Variants in FERMT2 observed in about 807,000 individuals in gnomAD.
FERMT2 encodes the protein FERM domain containing kindlin 2.
A neutral mutation model predicts 82.7 loss-of-function variants in FERMT2; 15 were observed. The ratio of observed to expected loss-of-function variants is 0.18; its 90% CI spans 0.12 to 0.28. The LOEUF is 0.28. FERMT2 is among the 10% of genes least tolerant of loss of function. FERMT2 has a pLI of 1.00. For synonymous variants in FERMT2, 274 were observed against 271.5 expected (o/e 1.01, Z -0.09); for missense variants, 645 against 809.4 (o/e 0.80, Z 2.46).
chr14:52,915,987 G>A (rs977679214), intron 3 of FERMT2, among the ~76,000 whole-genome samples: 15 of 152,152 alleles, frequency 9.9e-5, no homozygotes, highest in South Asian at 6.2e-4. Context: ...CCAAGATATC[G>A]TTTGGTGAGT....
intron 3 of FERMT2, among the ~76,000 whole-genome samples, chr14:52,894,915 T>C (rs1887171840): frequency 6.7e-6 from 1 of 149,724 alleles, no homozygotes; most frequent in Non-Finnish European, 1.5e-5. Flanking sequence ...CCAACCTACC[T>C]ACTCTTTAAA....
At chr14:52,925,937 C>T (rs1566754494) in intron 2 of FERMT2, among the ~76,000 whole-genome samples, 3 of 152,150 alleles carry the variant, frequency 2.0e-5, no homozygotes, top group South Asian at 2.1e-4. Context: ...AGCCACCGCG[C>T]CCGGCACAGA....
chr14:52,889,313 A>G (rs1165992944), intron 4 of FERMT2, among the ~76,000 whole-genome samples: 1 of 152,238 alleles, frequency 6.6e-6, no homozygotes, highest in African/African-American at 2.4e-5. Flanking sequence ...AAGAGGCCAC[A>G]AATGTCCCTT....
intron 3 of FERMT2, among the ~76,000 whole-genome samples, chr14:52,914,814 G>T (rs1888529298): frequency 6.6e-6 from 1 of 152,130 alleles, no homozygotes; most frequent in Admixed American, 6.5e-5. Context: ...CAGCTGCTTG[G>T]GAGGCTGAGG....
At chr14:52,898,554 T>C (rs886810372) in intron 3 of FERMT2, among the ~76,000 whole-genome samples, 2 of 152,200 alleles carry the variant, frequency 1.3e-5, no homozygotes, top group African/African-American at 4.8e-5. Flanking sequence ...GAGTAAGATT[T>C]AACATGTGAA....
chr14:52,941,213 G>C (rs1026858658), intron 2 of FERMT2, among the ~76,000 whole-genome samples: 4 of 152,190 alleles, frequency 2.6e-5, no homozygotes, highest in African/African-American at 9.6e-5. Flanking sequence ...GATTCAAAGA[G>C]CTAGAACTGA....
chr14:52,865,660 G>C (rs1215437908), intron 10 of FERMT2, among the ~76,000 whole-genome samples: 2 of 152,168 alleles, frequency 1.3e-5, no homozygotes, highest in Non-Finnish European at 2.9e-5. Flanking sequence ...AATGTCATAT[G>C]ATCATGCAGT....
At chr14:52,885,418 C>T (rs1220933697) in intron 4 of FERMT2, among the ~76,000 whole-genome samples, 1 of 150,868 alleles carries the variant, frequency 6.6e-6, no homozygotes, top group Non-Finnish European at 1.5e-5. Flanking sequence ...AGCAGCACTG[C>T]TGGGTCAGAG....
chr14:52,949,824 C>G (rs1305434940), intron 2 of FERMT2, among the ~76,000 whole-genome samples: 1 of 152,160 alleles, frequency 6.6e-6, no homozygotes, highest in Non-Finnish European at 1.5e-5. Flanking sequence ...CGGCTTACAT[C>G]GAGCATGGAC....
intron 3 of FERMT2, among the ~76,000 whole-genome samples, chr14:52,902,887 A>AAAAAAC (rs1417117125): frequency 1.4e-5 from 2 of 139,452 alleles, no homozygotes; most frequent in Admixed American, 7.4e-5. Flanking sequence ...AAAAAAAAAA[A>AAAAAAC]AAAACCCCAA....
chr14:52,911,045 T>A (rs1399067055), intron 3 of FERMT2, among the ~76,000 whole-genome samples: 2 of 152,184 alleles, frequency 1.3e-5, no homozygotes, highest in Non-Finnish European at 2.9e-5. Context: ...AGTGTTCAGT[T>A]TCAGTGGTGA....
chr14:52,871,116 G>T (rs1594933934), intron 10 of FERMT2, among the ~76,000 whole-genome samples: 8 of 152,318 alleles, frequency 5.3e-5, no homozygotes, highest in Admixed American at 5.2e-4. Flanking sequence ...ATGGCTGCAG[G>T]TGTTAGCTCC....
chr14:52,947,376 G>A (rs1259918846), intron 2 of FERMT2, among the ~76,000 whole-genome samples: 1 of 152,148 alleles, frequency 6.6e-6, no homozygotes, highest in East Asian at 1.9e-4. Context: ...CTACTCGGGA[G>A]GCTGAGGCAG....
intron 7 of FERMT2, 44 bp downstream of exon 7, chr14:52,878,538 A>T (rs1886103745): frequency 8.5e-7 from 1 of 1,179,024 alleles, no homozygotes; most frequent in African/African-American, 1.5e-5. Context: ...ATACCTCCCT[A>T]CCCTTTACCG....
intron 2 of FERMT2, among the ~76,000 whole-genome samples, chr14:52,935,586 G>A (rs114435517): frequency 0.021 from 3,203 of 152,218 alleles, 78 homozygotes; most frequent in East Asian, 0.074. Context: ...GGTCCTCACT[G>A]GAAACCAACC....
intron 3 of FERMT2, among the ~76,000 whole-genome samples, chr14:52,912,323 C>A (rs988815753): frequency 6.6e-6 from 1 of 152,122 alleles, no homozygotes; most frequent in African/African-American, 2.4e-5. Flanking sequence ...AATTACCACT[C>A]ATTAAGACCC....
chr14:52,931,901 C>T (rs941411398), intron 2 of FERMT2, among the ~76,000 whole-genome samples: 4 of 152,080 alleles, frequency 2.6e-5, no homozygotes, highest in South Asian at 4.1e-4. Context: ...TGGTAGCACA[C>T]GCCTGTAGTC....
At chr14:52,892,145 G>A (rs1291799668) in intron 4 of FERMT2, among the ~76,000 whole-genome samples, 2 of 147,374 alleles carry the variant, frequency 1.4e-5, no homozygotes, top group African/African-American at 5.0e-5. Context: ...AATATGCAAA[G>A]CAGAGAGAAG....
At chr14:52,878,371 A>C (rs1886093839) in intron 7 of FERMT2, among the ~76,000 whole-genome samples, 1 of 152,210 alleles carries the variant, frequency 6.6e-6, no homozygotes, top group African/African-American at 2.4e-5. Flanking sequence ...AAATAGAGAA[A>C]AGTACTTAAG....
Sources: gnomAD v4.1 joint callset for allele counts (sites outside exome capture counted in the v4.1 genomes callset) on GRCh38, gnomAD v4.1.1 for gene constraint, MANE v1.5 for transcripts, NCBI Gene and HGNC (gene_info 2026-07-23, HGNC 2026-07-21) for gene names.